UFM1: variants seen among roughly 807,000 people sequenced by gnomAD.
The protein encoded by UFM1 is ubiquitin fold modifier 1.
A neutral mutation model predicts 15.4 loss-of-function variants in UFM1; 9 were observed. The observed-to-expected ratio is 0.59, with a 90% confidence interval of 0.35 to 1.02. UFM1 has a LOEUF of 1.02. UFM1 is among the 50% of genes least tolerant of loss of function. The probability of loss-of-function intolerance (pLI) is 0.02; values close to 1 mark genes in which losing one functional copy is unlikely to be tolerated. For missense variants in UFM1, 98 were observed against 104.7 expected, an observed-to-expected ratio of 0.94 and a Z score of 0.28; for synonymous variants, 27 against 36.3, an observed-to-expected ratio of 0.74 and a Z score of 0.92.
At chr13:38,352,611 C>T (rs747959800) in intron 2 of UFM1, among the ~76,000 whole-genome samples, 2 of 152,176 alleles carry the variant, frequency 1.3e-5, no homozygotes, top group African/African-American at 4.8e-5. Flanking sequence ...TATGAAATGA[C>T]TGGCAAATAC....
intron 2 of UFM1, among the ~76,000 whole-genome samples, chr13:38,353,503 A>G (rs543270130): frequency 6.6e-6 from 1 of 152,160 alleles, no homozygotes; most frequent in African/African-American, 2.4e-5. Context: ...TTTATTGGAA[A>G]GTTCATACAG....
chr13:38,350,583 C>T (rs2140048874), intron 2 of UFM1, among the ~76,000 whole-genome samples: 1 of 152,298 alleles, frequency 6.6e-6, no homozygotes, highest in South Asian at 2.1e-4. Flanking sequence ...ACTCAGATCA[C>T]ACCCTTCCTA....
chr13:38,350,232 G>C, intron 2 of UFM1, 177 bp downstream of exon 2: 1 of 1,603,994 alleles, frequency 6.2e-7, no homozygotes. Flanking sequence ...GGAGAGGTCC[G>C]TACTTGCTCG....
chr13:38,356,930 A>G (rs1195527814), intron 3 of UFM1, among the ~76,000 whole-genome samples: 4 of 151,910 alleles, frequency 2.6e-5, no homozygotes, highest in African/African-American at 9.7e-5. Context: ...AGACATAAAC[A>G]CACTTTGGCA....
chr13:38,350,082 T>G (rs1477269933), intron 2 of UFM1, 27 bp downstream of exon 2: 1 of 1,614,072 alleles, frequency 6.2e-7, no homozygotes, highest in Non-Finnish European at 8.5e-7. Context: ...AGATGGGCCT[T>G]TTGGGGCCGG....
At chr13:38,356,700 C>CAA (rs1423157511) in intron 3 of UFM1, among the ~76,000 whole-genome samples, 1 of 32,154 alleles carries the variant, frequency 3.1e-5, no homozygotes, top group African/African-American at 5.1e-5. Context: ...ATTAGTACCA[C>CAA]CAAAAAAAAA....
Position 38,358,092 on chromosome 13 carries a change from G to C in UFM1, c.118-1G>C, listed in dbSNP as rs1384792304. The C allele has an allele frequency of 1.5e-6, 2 of 1,353,772 alleles. No individual in the cohort carries two copies. The highest frequency in any genetic ancestry group is 2.0e-6 in the Non-Finnish European group (2 of 1,014,682). 83.9% of individuals were successfully genotyped at this position (1,353,772 alleles called of 1,614,324 possible). A position where few individuals can be genotyped will look rare whatever the true frequency, so the allele number is the denominator to read the frequency against. On this transcript the variant is annotated splice_acceptor_variant, in intron 3 of 5. Coordinates refer to ENST00000239878, the MANE Select transcript of UFM1 (RefSeq NM_016617.4). LOFTEE classifies it high-confidence loss of function. Reference sequence around the variant, plus strand: ...ATATATTTTTTTTTCCTTCTATTTAGTTTAAAGTTCCTGCTGCAACAAGTG... The same window carrying C: ...ATATATTTTTTTTTCCTTCTATTTACTTTAAAGTTCCTGCTGCAACAAGTG...
intron 2 of UFM1, among the ~76,000 whole-genome samples, chr13:38,353,032 A>T (rs528819895): frequency 6.6e-6 from 1 of 152,136 alleles, no homozygotes; most frequent in African/African-American, 2.4e-5. Context: ...ATATGTTTTT[A>T]TTTTTTTCCA....
At position 38,361,536 on chromosome 13, in the gene UFM1, A is replaced by C. The variant is rs1190794318; in HGVS notation, c.*758A>C. 2 of 152,180 alleles carry C rather than the reference A, an allele frequency of 1.3e-5. No individual in the cohort carries two copies. The highest frequency in any genetic ancestry group is 6.5e-5 in the Admixed American group (1 of 15,274). The allele number at this position is 152,180 out of a possible 1,614,324, so 9.4% of individuals were successfully genotyped here. On this transcript the variant is annotated 3_prime_UTR_variant, in exon 6 of 6. Coordinates refer to ENST00000239878, the MANE Select transcript of UFM1 (RefSeq NM_016617.4). ...ACATTTAAAACAAGTAGCTTCAAGA[A>C]ACCACTGGTGTTTTGAGGATAGTAT...
At chr13:38,350,188 C>G (rs1317446070) in intron 2 of UFM1, 133 bp downstream of exon 2, 2 of 1,613,462 alleles carry the variant, frequency 1.2e-6, no homozygotes, top group Non-Finnish European at 1.7e-6. Context: ...CTGGCTCGCG[C>G]CCTTCCAGGA....
chr13:38,360,427 A>G (rs1879317022), intron 5 of UFM1, among the ~76,000 whole-genome samples: 1 of 151,930 alleles, frequency 6.6e-6, no homozygotes, highest in Non-Finnish European at 1.5e-5. Context: ...ATTATTGTGT[A>G]TTGAAGGAAG....
intron 3 of UFM1, among the ~76,000 whole-genome samples, chr13:38,355,714 AAAGTATAT>A (rs1463677014): frequency 6.6e-6 from 1 of 151,920 alleles, no homozygotes; most frequent in Admixed American, 6.6e-5. Flanking sequence ...ACCATAAGAG[AAAGTATAT>A]TTACTATTCA....
At position 38,361,439 on chromosome 13, in the gene UFM1, T is replaced by C. The variant is rs1879382224; in HGVS notation, c.*661T>C. On this transcript the variant is annotated 3_prime_UTR_variant, in exon 6 of 6. Coordinates refer to ENST00000239878, the MANE Select transcript of UFM1 (RefSeq NM_016617.4). ...GTGGACCTATAGAATCCAGTACTTT[T>C]AATGGTGGGAATTTACAGTAGAAGC... is the stretch of plus-strand genomic sequence containing the variant. 1 of 152,174 alleles carries C rather than the reference T, an allele frequency of 6.6e-6. No individual in the cohort carries two copies. The highest frequency in any genetic ancestry group is 1.5e-5 in the Non-Finnish European group (1 of 68,018). The allele number at this position is 152,174 out of a possible 1,614,324, so 9.4% of individuals were successfully genotyped here.
chr13:38,350,061 T>G lies in UFM1; in HGVS notation c.59+6T>G, dbSNP rs754296728. 15 of 1,614,054 alleles carry G rather than the reference T, an allele frequency of 9.3e-6. No homozygotes were observed. The highest frequency in any genetic ancestry group is 1.2e-5 in the Non-Finnish European group (14 of 1,180,032). On this transcript the variant is annotated splice_donor_region_variant and intron_variant, in intron 2 of 5. Coordinates refer to ENST00000239878, the MANE Select transcript of UFM1 (RefSeq NM_016617.4). ...CCACGGCTGCCGTACAAAGTGTGAGTAGCTCGGCCGAGATGGGCCTTTTGG... is the reference window on the plus strand; with the variant it reads ...CCACGGCTGCCGTACAAAGTGTGAGGAGCTCGGCCGAGATGGGCCTTTTGG...
Position 38,362,468 on chromosome 13 carries a change from G to GT in UFM1, c.*1703dup, listed in dbSNP as rs142733291. ...GTTTTTATTTTTATTTATTTGTTTT[G>GT]TTTTTTTTTTTTTGAGGCAGACTCT... is the stretch of plus-strand genomic sequence containing the variant. On this transcript the variant is annotated 3_prime_UTR_variant, in exon 6 of 6. Coordinates refer to ENST00000239878, the MANE Select transcript of UFM1 (RefSeq NM_016617.4). 112,399 of 143,962 alleles carry GT rather than the reference G, an allele frequency of 0.78. 49,161 individuals are homozygous for GT. The highest frequency in any genetic ancestry group is 0.96 in the East Asian group (4,791 of 4,992). The allele number at this position is 143,962 out of a possible 1,614,324, so 8.9% of individuals were successfully genotyped here.
At chr13:38,359,614 T>C (rs1485874411) in intron 5 of UFM1, 2 of 241,056 alleles carry the variant, frequency 8.3e-6, no homozygotes, top group East Asian at 1.6e-4. Context: ...ATAAGATTGC[T>C]TTCTAATTGG....
chr13:38,350,206 C>T (rs1436983077), intron 2 of UFM1, 151 bp downstream of exon 2: 2 of 1,612,332 alleles, frequency 1.2e-6, no homozygotes, highest in African/African-American at 1.3e-5. Context: ...GGAGCCTTTC[C>T]CACCGGAGCC....
chr13:38,356,583 C>T (rs928744048), intron 3 of UFM1, among the ~76,000 whole-genome samples: 5 of 150,272 alleles, frequency 3.3e-5, no homozygotes, highest in African/African-American at 1.2e-4. Context: ...AAAGTTGATT[C>T]TTCAATTTCT....
rs1392346071 is a variant in UFM1 at position 38,361,167 on chromosome 13, T to C, written c.*389T>C. The C allele has an allele frequency of 1.3e-5, 2 of 155,860 alleles. No individual in the cohort carries two copies. Among genetic ancestry groups the C allele is most frequent in the African/African-American group, 4.8e-5 (2 of 41,584 alleles). The allele number at this position is 155,860 out of a possible 1,614,324, so 9.7% of individuals were successfully genotyped here. A position where few individuals can be genotyped will look rare whatever the true frequency, so the allele number is the denominator to read the frequency against. On this transcript the variant is annotated 3_prime_UTR_variant, in exon 6 of 6. Transcript: ENST00000239878. ...AAAATATAAAAAGAATTATGGACCC[T>C]GGATGGCAATTTGCTTGATAGCATC...
Sources: gnomAD v4.1 joint callset for allele counts (sites outside exome capture counted in the v4.1 genomes callset) on GRCh38, gnomAD v4.1.1 for gene constraint, MANE v1.5 for transcripts, NCBI Gene and HGNC (gene_info 2026-07-23, HGNC 2026-07-21) for gene names.